GSN: variants seen among roughly 807,000 people sequenced by gnomAD.
GSN encodes gelsolin, also known as actin-depolymerizing factor.
In GSN, 56 loss-of-function variants were observed where a neutral mutation model predicts 85.7. The ratio of observed to expected loss-of-function variants is 0.65; its 90% CI spans 0.53 to 0.82. The LOEUF is 0.82. Among genes scored for constraint, GSN ranks in the 40% least tolerant of loss-of-function variants. The probability of loss-of-function intolerance (pLI) is 0.00; values close to 1 mark genes in which losing one functional copy is unlikely to be tolerated. For synonymous variants in GSN, 373 were observed against 399.1 expected, an observed-to-expected ratio of 0.93 and a Z score of 0.78; for missense variants, 857 against 979.8, an observed-to-expected ratio of 0.87 and a Z score of 1.67.
chr9:121,266,579 A>G (rs2055216334), upstream of GSN, among the ~76,000 whole-genome samples: 1 of 152,196 alleles, frequency 6.6e-6, no homozygotes, highest in Non-Finnish European at 1.5e-5. Context: ...GAAAGGTGGC[A>G]GAGTGTGACA....
intron 5 of GSN, among the ~76,000 whole-genome samples, chr9:121,247,432 T>C (rs1208658529): frequency 6.6e-6 from 1 of 152,220 alleles, no homozygotes; most frequent in African/African-American, 2.4e-5. Context: ...AGCCTCTGAC[T>C]TCCACCTTCC....
intron 13 of GSN, among the ~76,000 whole-genome samples, chr9:121,327,006 C>T (rs2063284538): frequency 6.6e-6 from 1 of 152,190 alleles, no homozygotes. Context: ...GGACTTGATT[C>T]CCAGGATGGT....
intron 2 of GSN, chr9:121,286,655 C>A (rs1387668841): frequency 6.5e-7 from 1 of 1,534,168 alleles, no homozygotes; most frequent in Non-Finnish European, 8.7e-7. Flanking sequence ...GCCCTCTGGG[C>A]CGGGAAGTCA....
intron 4 of GSN, among the ~76,000 whole-genome samples, chr9:121,224,070 A>G (rs1240919126): frequency 6.6e-6 from 1 of 151,894 alleles, no homozygotes; most frequent in Non-Finnish European, 1.5e-5. Context: ...AAAAAGGTAT[A>G]TCGGTGTTAT....
At chr9:121,308,056 G>C (rs1421092983) in intron 4 of GSN, among the ~76,000 whole-genome samples, 1 of 152,218 alleles carries the variant, frequency 6.6e-6, no homozygotes, top group African/African-American at 2.4e-5. Context: ...TTACTGTCTT[G>C]CTTCCCAGTT....
At chr9:121,330,361 T>C (rs1365676661) in intron 16 of GSN, among the ~76,000 whole-genome samples, 1 of 152,152 alleles carries the variant, frequency 6.6e-6, no homozygotes, top group Non-Finnish European at 1.5e-5. Flanking sequence ...TCACTTGAGG[T>C]CAGGAGTTCA....
upstream of GSN, among the ~76,000 whole-genome samples, chr9:121,205,570 T>G (rs1412061373): frequency 6.6e-6 from 1 of 152,118 alleles, no homozygotes; most frequent in Non-Finnish European, 1.5e-5. Flanking sequence ...CCCTTATCCC[T>G]TCCTCCCACC....
chr9:121,231,537 G>T (rs925721735), intron 5 of GSN, among the ~76,000 whole-genome samples: 7 of 152,032 alleles, frequency 4.6e-5, no homozygotes, highest in Non-Finnish European at 8.8e-5. Context: ...ACATGATTTT[G>T]AAGAAGAAGA....
intron 11 of GSN, among the ~76,000 whole-genome samples, chr9:121,322,222 GA>G (rs1323764929): frequency 6.6e-6 from 1 of 151,278 alleles, no homozygotes; most frequent in African/African-American, 2.4e-5. Context: ...AACTCTTCGT[GA>G]AAAAAAATAC....
At chr9:121,311,852 T>G (rs1477196216) in intron 5 of GSN, 4 of 157,586 alleles carry the variant, frequency 2.5e-5, no homozygotes, top group African/African-American at 9.6e-5. Context: ...CTTTATGTTG[T>G]TGATGGGCAC....
chr9:121,278,750 T>C (rs137890062), intron 1 of GSN, among the ~76,000 whole-genome samples: 138 of 152,374 alleles, frequency 9.1e-4, no homozygotes, highest in African/African-American at 3.1e-3. Context: ...TGACCTTGTT[T>C]TTAAGCTGCT....
chr9:121,256,570 C>T (rs1383567706), intron 6 of GSN, among the ~76,000 whole-genome samples: 3 of 151,816 alleles, frequency 2.0e-5, no homozygotes, highest in African/African-American at 7.3e-5. Flanking sequence ...TACAAAAATG[C>T]AGTCAGATAA....
intron 2 of GSN, chr9:121,286,250 C>T (rs930489088): frequency 1.8e-5 from 20 of 1,088,898 alleles, no homozygotes; most frequent in South Asian, 5.5e-5. Flanking sequence ...CAGGGAGACC[C>T]GAGGGAAAGT....
intron 4 of GSN, among the ~76,000 whole-genome samples, chr9:121,226,830 C>T (rs1319086982): frequency 6.6e-6 from 1 of 152,178 alleles, no homozygotes; most frequent in Non-Finnish European, 1.5e-5. Flanking sequence ...AGAAGCTTGG[C>T]GCTTTCAGCC....
At chr9:121,294,694 G>A (rs1321978200) in intron 2 of GSN, among the ~76,000 whole-genome samples, 1 of 152,224 alleles carries the variant, frequency 6.6e-6, no homozygotes, top group Non-Finnish European at 1.5e-5. Context: ...GCCCCGATGG[G>A]GAGCACTGCT....
At chr9:121,310,636 T>C (rs2060996678) in intron 4 of GSN, 48 bp from the exon 5 acceptor site, 2 of 1,591,444 alleles carry the variant, frequency 1.3e-6, no homozygotes, top group Non-Finnish European at 1.7e-6. Flanking sequence ...CATATCTGCT[T>C]CCCTGGGCCT....
chr9:121,289,415 G>A (rs2058470700), intron 2 of GSN, among the ~76,000 whole-genome samples: 1 of 152,160 alleles, frequency 6.6e-6, no homozygotes, highest in Non-Finnish European at 1.5e-5. Flanking sequence ...CCTCTAAGCT[G>A]TCCTCCCTCC....
intron 4 of GSN, among the ~76,000 whole-genome samples, chr9:121,229,336 T>A (rs1283478587): frequency 1.3e-5 from 2 of 152,222 alleles, no homozygotes; most frequent in African/African-American, 4.8e-5. Flanking sequence ...TTCTCCTGCC[T>A]CAGCCTCCTG....
chr9:121,293,447 A>G (rs994984959), intron 2 of GSN, among the ~76,000 whole-genome samples: 1 of 151,572 alleles, frequency 6.6e-6, no homozygotes, highest in Admixed American at 6.6e-5. Flanking sequence ...TACACACATC[A>G]TAAAATTTGC....
Sources: allele counts gnomAD v4.1 joint callset (sites outside exome capture counted in the v4.1 genomes callset), GRCh38; gene constraint gnomAD v4.1.1; transcripts MANE v1.5; gene names NCBI Gene and HGNC (gene_info 2026-07-23, HGNC 2026-07-21).